PINLYP: variants seen among roughly 807,000 people sequenced by gnomAD.
The protein encoded by PINLYP is phospholipase A2 inhibitor and Ly6/PLAUR domain-containing protein.
In PINLYP, 12 loss-of-function variants were observed where a neutral mutation model predicts 15.8. The ratio of observed to expected loss-of-function variants is 0.76; its 90% confidence interval spans 0.49 to 1.23. PINLYP has a LOEUF of 1.23. Among genes scored for constraint, PINLYP ranks in the 50% most tolerant of loss-of-function variants. The pLI, the probability that PINLYP is intolerant of heterozygous loss-of-function variation, is 0.00. For synonymous variants in PINLYP, 93 were observed against 97.7 expected (o/e 0.95, Z 0.28); for missense variants, 278 against 264.2 (o/e 1.05, Z -0.36).
chr19:43,580,888 G>A (rs1048606683), intron 3 of PINLYP: 12 of 270,804 alleles, frequency 4.4e-5, no homozygotes, highest in African/African-American at 1.1e-4. Flanking sequence ...GATCACCTGA[G>A]GTCAGGAGTT....
chr19:43,578,548 C>T lies in PINLYP; in HGVS notation c.71-42C>T, dbSNP rs1972892088. On this transcript the variant is annotated intron_variant, in intron 2 of 5. Transcript: ENST00000599207. ...AGTCAAAGTCGTGGTCCGAAGACCACACCACCCATGACTACAGCCTCGCCC... is the reference window on the plus strand; with the variant it reads ...AGTCAAAGTCGTGGTCCGAAGACCATACCACCCATGACTACAGCCTCGCCC... 4 of 1,453,304 alleles carry T rather than the reference C, an allele frequency of 2.8e-6. No individual in the cohort carries two copies. The Admixed American group carries it at 8.0e-5, about 29-fold the overall frequency. 90.0% of individuals were successfully genotyped at this position (1,453,304 alleles called of 1,614,324 possible). A position where few individuals can be genotyped will look rare whatever the true frequency, so the allele number is the denominator to read the frequency against.
upstream of PINLYP, chr19:43,575,522 G>T: frequency 6.5e-7 from 1 of 1,542,900 alleles, no homozygotes; most frequent in Non-Finnish European, 8.9e-7. Context: ...GAGGGGCAGG[G>T]AGAGTGGGAG....
exon 6 of PINLYP, chr19:43,582,005 G>A (rs1471915397): frequency 6.5e-7 from 1 of 1,536,124 alleles, no homozygotes; most frequent in South Asian, 1.2e-5. Context: ...CCCCTGAAAA[G>A]CTATCTGAAC....
chr19:43,581,694 G>C (rs771797326), exon 5 of PINLYP: 2 of 1,536,278 alleles, frequency 1.3e-6, no homozygotes, highest in African/African-American at 1.4e-5. Flanking sequence ...ATCTGGACAC[G>C]TGCAGGCTGG....
chr19:43,581,741 C>A (rs947012251), intron 5 of PINLYP, 38 bp downstream of exon 5: 5 of 1,535,506 alleles, frequency 3.3e-6, no homozygotes, highest in African/African-American at 1.4e-5. Flanking sequence ...GGAAACAGAA[C>A]TAGAGGTCCA....
At chr19:43,576,312 T>C (rs942086880) in exon 1 of PINLYP, among the ~76,000 whole-genome samples, 1 of 152,132 alleles carries the variant, frequency 6.6e-6, no homozygotes, top group African/African-American at 2.4e-5. Context: ...GGCTGCACTC[T>C]TCTCTCTGTC....
chr19:43,581,336 C>T lies in PINLYP; in HGVS notation c.312C>T (p.Ser104=), dbSNP rs767540470. 1.2e-5 allele frequency: 19 copies of T among 1,536,674 alleles called. 1 individual carries two copies. The highest frequency in any genetic ancestry group is 1.2e-4 in the South Asian group (10 of 84,056). Reference sequence around the variant, plus strand: ...TAACCAGCTCCTTCTGCTGCCAGAGCGACGGCTGCAACAGTGCCTTTTTGT... The same window carrying T: ...TAACCAGCTCCTTCTGCTGCCAGAGTGACGGCTGCAACAGTGCCTTTTTGT... Residue 104 remains serine (S), a synonymous_variant, in exon 4 of 6, where the codon AGC becomes AGT. Transcript: ENST00000599207.
intron 4 of PINLYP, 43 bp from the exon 5 acceptor site, chr19:43,581,520 C>T (rs1446130284): frequency 6.6e-7 from 1 of 1,518,650 alleles, no homozygotes; most frequent in Admixed American, 2.0e-5. Context: ...GGGGGAACGG[C>T]TTAAACATCC....
chr19:43,578,859 A>T lies in PINLYP; in HGVS notation c.187+153A>T, dbSNP rs748973874. The T allele has an allele frequency of 4.9e-6, 3 of 615,836 alleles. No homozygotes were observed. The South Asian group carries it at 5.4e-5, about 11-fold the overall frequency. 38.1% of individuals were successfully genotyped at this position (615,836 alleles called of 1,614,324 possible). On this transcript the variant is annotated intron_variant, in intron 3 of 5. Transcript: ENST00000599207. ...CAGGAAAGAGGGAAAGACCATCATG[A>T]GATGGAGGGAACAGAAATAAGTGGT...
exon 1 of PINLYP, among the ~76,000 whole-genome samples, chr19:43,576,231 C>T (rs1972860997): frequency 6.6e-6 from 1 of 152,118 alleles, no homozygotes; most frequent in African/African-American, 2.4e-5. Context: ...GACAGCAAAT[C>T]TGAGTGAATT....
At chr19:43,580,761 A>T in intron 3 of PINLYP, 2 of 894,116 alleles carry the variant, frequency 2.2e-6, no homozygotes, top group Non-Finnish European at 2.7e-6. Context: ...ACTCCAGGCC[A>T]TGCACCAGAC....
intron 3 of PINLYP, 70 bp from the exon 4 acceptor site, chr19:43,581,142 G>C: frequency 2.7e-6 from 4 of 1,493,968 alleles, no homozygotes; most frequent in Non-Finnish European, 3.6e-6. Flanking sequence ...GGTTAGGCAA[G>C]ACCTTGAGGC....
upstream of PINLYP, chr19:43,575,514 G>A (rs778792897): frequency 1.5e-5 from 24 of 1,577,172 alleles, no homozygotes; most frequent in East Asian, 9.1e-5. Context: ...TGGGGTCCGA[G>A]GGGCAGGGAG....
chr19:43,577,420 GTAA>G (rs1472078473), intron 2 of PINLYP, among the ~76,000 whole-genome samples, 159 bp downstream of exon 2: 8 of 152,018 alleles, frequency 5.3e-5, no homozygotes, highest in Admixed American at 1.3e-4. Flanking sequence ...GAGGCCAAGG[GTAA>G]AGGAAGAGAA....
intron 3 of PINLYP, chr19:43,579,007 G>GT (rs1301563399): frequency 6.2e-6 from 2 of 323,194 alleles, no homozygotes; most frequent in African/African-American, 4.3e-5. Flanking sequence ...GAAAGACACT[G>GT]TGGGGGGCAG....
At chr19:43,581,787 G>A (rs1433421881) in intron 5 of PINLYP, 81 bp from the exon 6 acceptor site, 7 of 1,533,498 alleles carry the variant, frequency 4.6e-6, no homozygotes, top group Non-Finnish European at 6.1e-6. Flanking sequence ...GGGTTCCAGA[G>A]AAGTGGGTGA....
intron 3 of PINLYP, 45 bp from the exon 4 acceptor site, chr19:43,581,167 G>T (rs770145989): frequency 6.6e-7 from 1 of 1,524,890 alleles, no homozygotes; most frequent in Non-Finnish European, 8.8e-7. Flanking sequence ...GTTGAAGCCA[G>T]GGAGTGGTCA....
At chr19:43,575,610 G>T, upstream of PINLYP, 1 of 685,604 alleles carries the variant, frequency 1.5e-6, no homozygotes, top group Non-Finnish European at 2.3e-6. Context: ...GCGCGCCGGC[G>T]CCGGCGTCGA....
exon 5 of PINLYP, chr19:43,581,565 C>G (rs1310857332): frequency 5.2e-6 from 8 of 1,535,010 alleles, no homozygotes; most frequent in Non-Finnish European, 7.0e-6. Flanking sequence ...ATCCTCAGTT[C>G]CCTTGACCAA....
Sources: gnomAD v4.1 joint callset for allele counts (sites outside exome capture counted in the v4.1 genomes callset) on GRCh38, gnomAD v4.1.1 for gene constraint, MANE v1.5 for transcripts, NCBI Gene and HGNC (gene_info 2026-07-23, HGNC 2026-07-21) for gene names.